RAD17: variants seen among roughly 807,000 people sequenced by gnomAD.
RAD17 encodes the protein RAD17 checkpoint clamp loader component.
A neutral mutation model predicts 81.5 loss-of-function variants in RAD17; 31 were observed. The observed-to-expected ratio is 0.38, with a 90% CI of 0.29 to 0.51. RAD17 has a LOEUF of 0.51. RAD17 is among the 20% of genes least tolerant of loss of function. The pLI is 0.88. For synonymous variants in RAD17, 261 were observed against 266.2 expected, an observed-to-expected ratio of 0.98 and a Z score of 0.19; for missense variants, 681 against 781.2, an observed-to-expected ratio of 0.87 and a Z score of 1.53.
intron 16 of RAD17, 128 bp from the exon 17 acceptor site, chr5:69,399,921 G>A (rs961226645): frequency 1.9e-6 from 1 of 532,742 alleles, no homozygotes; most frequent in Non-Finnish European, 3.0e-6. Flanking sequence ...AAGTATATTT[G>A]TGATATATAA....
chr5:69,370,851 A>G (rs926536431), intron 1 of RAD17, 184 bp from the exon 2 acceptor site: 7 of 225,378 alleles, frequency 3.1e-5, no homozygotes, highest in African/African-American at 1.4e-4. Context: ...TTTCCAATGT[A>G]TAAGTTTGTA....
chr5:69,386,018 A>G (rs547614843), intron 8 of RAD17, 25 bp from the exon 9 acceptor site: 5 of 1,511,056 alleles, frequency 3.3e-6, no homozygotes, highest in African/African-American at 1.4e-5. Context: ...AAACTATACT[A>G]TTATTTATTT....
intron 4 of RAD17, among the ~76,000 whole-genome samples, chr5:69,372,849 A>G (rs554043447): frequency 5.3e-5 from 8 of 152,204 alleles, no homozygotes; most frequent in African/African-American, 1.7e-4. Flanking sequence ...GGGCTCAGCA[A>G]TCCTACTGCC....
chr5:69,402,415 C>G (rs951071717), intron 17 of RAD17, among the ~76,000 whole-genome samples: 1 of 151,826 alleles, frequency 6.6e-6, no homozygotes, highest in Admixed American at 6.6e-5. Context: ...CCTGTAATCC[C>G]AACACTTTGG....
intron 8 of RAD17, among the ~76,000 whole-genome samples, chr5:69,385,177 G>A (rs751145600): frequency 6.6e-5 from 10 of 151,168 alleles, no homozygotes; most frequent in Non-Finnish European, 1.2e-4. Flanking sequence ...AGCCAGGATG[G>A]TCTCGATCTC....
chr5:69,401,422 A>G (rs1487795371), intron 17 of RAD17, among the ~76,000 whole-genome samples: 1 of 152,140 alleles, frequency 6.6e-6, no homozygotes, highest in Non-Finnish European at 1.5e-5. Context: ...TTTTTTTCCA[A>G]TTTGTAAACA....
intron 17 of RAD17, among the ~76,000 whole-genome samples, chr5:69,403,109 G>C (rs1361214319): frequency 6.6e-6 from 1 of 152,150 alleles, no homozygotes; most frequent in Non-Finnish European, 1.5e-5. Flanking sequence ...AAAGGGCTAG[G>C]ATTATAGGCA....
chr5:69,379,453 T>G (rs1218886888), intron 6 of RAD17, among the ~76,000 whole-genome samples: 2 of 152,172 alleles, frequency 1.3e-5, no homozygotes, highest in Admixed American at 1.3e-4. Context: ...TTAAACAGTT[T>G]TTTATTTAAT....
chr5:69,377,908 C>T (rs1763616340), intron 6 of RAD17, among the ~76,000 whole-genome samples: 1 of 151,678 alleles, frequency 6.6e-6, no homozygotes, highest in Non-Finnish European at 1.5e-5. Context: ...CCTCCCACCT[C>T]AGCTTCCTGA....
chr5:69,410,386 G>T (rs1242813655), intron 17 of RAD17, 107 bp from the exon 18 acceptor site: 3 of 809,084 alleles, frequency 3.7e-6, no homozygotes, highest in African/African-American at 1.7e-5. Flanking sequence ...GCTTGGATTT[G>T]CATTTCTCTA....
chr5:69,385,963 T>G (rs1764185995), intron 8 of RAD17, 80 bp from the exon 9 acceptor site: 1 of 1,288,910 alleles, frequency 7.8e-7, no homozygotes, highest in South Asian at 2.0e-5. Context: ...TATTTTTGCC[T>G]ACCTCAATAA....
intron 4 of RAD17, 87 bp downstream of exon 4, chr5:69,372,304 G>A (rs1040208106): frequency 1.6e-6 from 2 of 1,235,188 alleles, no homozygotes; most frequent in Admixed American, 1.7e-5. Flanking sequence ...AAAGAAGAGT[G>A]AAGTGTGACT....
At chr5:69,369,538 T>G (rs779583254), upstream of RAD17, 10 of 1,610,230 alleles carry the variant, frequency 6.2e-6, no homozygotes, top group East Asian at 4.5e-5. Flanking sequence ...TGCCCTTTGC[T>G]CTACAGGGAG....
chr5:69,374,590 T>C, intron 5 of RAD17, 38 bp from the exon 6 acceptor site: 1 of 1,508,228 alleles, frequency 6.6e-7, no homozygotes, highest in Non-Finnish European at 9.1e-7. Context: ...AATCTTCAGT[T>C]AAGAAGTTTT....
chr5:69,385,266 C>CTTTT (rs35876455), intron 8 of RAD17, among the ~76,000 whole-genome samples: 17 of 102,290 alleles, frequency 1.7e-4, no homozygotes, highest in South Asian at 3.5e-4. Flanking sequence ...GGCCTAAAAT[C>CTTTT]TTTTTTTTTT....
chr5:69,393,115 A>G, intron 13 of RAD17, 40 bp from the exon 14 acceptor site: 1 of 1,368,410 alleles, frequency 7.3e-7, no homozygotes, highest in Non-Finnish European at 1.0e-6. Context: ...ATAATTATAA[A>G]GAAGGTATTA....
At chr5:69,405,454 G>A (rs2150875354) in intron 17 of RAD17, among the ~76,000 whole-genome samples, 1 of 151,558 alleles carries the variant, frequency 6.6e-6, no homozygotes, top group East Asian at 1.9e-4. Context: ...ATCACCTGAG[G>A]TCGGGAGTTC....
Position 69,371,452 on chromosome 5 carries a change from A to C in RAD17, c.-279-2A>C, listed in dbSNP as rs949572365. On this transcript the variant is annotated splice_acceptor_variant, in intron 2 of 18. Coordinates refer to ENST00000354868, the MANE Select transcript of RAD17 (RefSeq NM_133338.3). LOFTEE classifies it low-confidence loss of function (5UTR_SPLICE). ...AGGGCTTCTTCCCCCCCCCCCCCCC[A>C]GGTGAATTATAGTTTAATGTACTGC... 2.2e-5 allele frequency: 5 copies of C among 231,828 alleles called. No individual in the cohort carries two copies. Among genetic ancestry groups the C allele is most frequent in the Middle Eastern group, 1.8e-3 (1 of 550 alleles). The allele number at this position is 231,828 out of a possible 1,614,324, so 14.4% of individuals were successfully genotyped here. A position where few individuals can be genotyped will look rare whatever the true frequency, so the allele number is the denominator to read the frequency against.
At position 69,371,446 on chromosome 5, in the gene RAD17, C is replaced by T. The variant is rs531345124; in HGVS notation, c.-279-8C>T. 9 of 521,518 alleles carry T rather than the reference C, an allele frequency of 1.7e-5. No individual in the cohort carries two copies. Among genetic ancestry groups the T allele is most frequent in the South Asian group, 3.6e-5 (1 of 27,550 alleles). 32.3% of individuals were successfully genotyped at this position (521,518 alleles called of 1,614,324 possible). On this transcript the variant is annotated splice_polypyrimidine_tract_variant and splice_region_variant and intron_variant, in intron 2 of 18. Coordinates refer to ENST00000354868, the MANE Select transcript of RAD17 (RefSeq NM_133338.3). ...CATTTGAGGGCTTCTTCCCCCCCCC[C>T]CCCCCAGGTGAATTATAGTTTAATG...
Sources: allele counts gnomAD v4.1 joint callset (sites outside exome capture counted in the v4.1 genomes callset), GRCh38; gene constraint gnomAD v4.1.1; transcripts MANE v1.5; gene names NCBI Gene and HGNC (gene_info 2026-07-23, HGNC 2026-07-21).